MGAT4C: variants seen among roughly 807,000 people sequenced by gnomAD.
MGAT4C encodes the protein alpha-1,3-mannosyl-glycoprotein 4-beta-N-acetylglucosaminyltransferase C.
Under a neutral mutation model 40.1 loss-of-function variants are expected in MGAT4C, and 19 were observed. That is an observed-to-expected ratio of 0.47 (90% CI 0.33 to 0.70). The LOEUF (loss-of-function observed/expected upper bound fraction) is 0.70, where lower values mean the gene tolerates loss of function less well. Ranked by LOEUF, MGAT4C falls within the 30% of genes least tolerant of loss-of-function variation. MGAT4C has a pLI of 0.02. For synonymous variants in MGAT4C, 181 were observed against 187.1 expected, an observed-to-expected ratio of 0.97 and a Z score of 0.27; for missense variants, 491 against 563.2, an observed-to-expected ratio of 0.87 and a Z score of 1.30.
chr12:86,581,116 T>C (rs1295900772), intron 2 of MGAT4C, among the ~76,000 whole-genome samples: 1 of 151,460 alleles, frequency 6.6e-6, no homozygotes, highest in Non-Finnish European at 1.5e-5. Flanking sequence ...TTTTCCAGTG[T>C]AATGCTTAAT....
At chr12:86,561,024 CT>C (rs1434930132) in intron 2 of MGAT4C, among the ~76,000 whole-genome samples, 2 of 151,852 alleles carry the variant, frequency 1.3e-5, no homozygotes, top group Non-Finnish European at 2.9e-5. Context: ...GAAAAAGAAA[CT>C]AAAAAAGCAC....
intron 1 of MGAT4C, among the ~76,000 whole-genome samples, chr12:86,128,070 C>G (rs1168453280): frequency 6.6e-6 from 1 of 152,176 alleles, no homozygotes; most frequent in Admixed American, 6.5e-5. Context: ...TTTCAAATGA[C>G]AGGCAGTGCA....
In MGAT4C at chr12:86,101,102, A is replaced by AT. The variant is rs539009070; in HGVS notation, c.-56-51380dup. Among the ~76,000 whole-genome samples the AT allele has an allele frequency of 5.3e-5, 8 of 151,720 alleles. No individual in the cohort carries two copies. The East Asian group carries it at 7.7e-4, about 15-fold the overall frequency. On this transcript the variant is annotated intron_variant, in intron 1 of 4. Coordinates refer to ENST00000611864, the MANE Select transcript of MGAT4C (RefSeq NM_001351288.2). ...TTTCATTCTTTACTAAGGAGACACT[A>AT]TTTTTTTCAGAGATTCATTGAAAAT... is the stretch of plus-strand genomic sequence containing the variant.
chr12:86,498,592 T>TAATCAAG (rs1251597203), intron 2 of MGAT4C, among the ~76,000 whole-genome samples: 1 of 151,980 alleles, frequency 6.6e-6, no homozygotes, highest in African/African-American at 2.4e-5. Context: ...AAGAGCAATG[T>TAATCAAG]AATCAAGTGT....
intron 1 of MGAT4C, among the ~76,000 whole-genome samples, chr12:86,076,630 C>T (rs948534736): frequency 6.6e-6 from 1 of 152,110 alleles, no homozygotes; most frequent in African/African-American, 2.4e-5. Flanking sequence ...CCACTTCTTA[C>T]AGGGCGGTGG....
chr12:86,704,771 C>A (rs1245488473), intron 2 of MGAT4C, among the ~76,000 whole-genome samples: 1 of 152,112 alleles, frequency 6.6e-6, no homozygotes, highest in Non-Finnish European at 1.5e-5. Context: ...TCCAGCAAGT[C>A]TGTATGAAGG....
chr12:86,191,788 G>GTGT (rs10526767), intron 1 of MGAT4C, among the ~76,000 whole-genome samples: 3 of 132,330 alleles, frequency 2.3e-5, no homozygotes, highest in Non-Finnish European at 5.0e-5. Flanking sequence ...GTGTGTGTGT[G>GTGT]GTGTTTTCAG....
intron 1 of MGAT4C, among the ~76,000 whole-genome samples, chr12:86,142,231 G>A (rs976798599): frequency 3.3e-5 from 5 of 152,164 alleles, no homozygotes; most frequent in Non-Finnish European, 7.4e-5. Context: ...TGGTCATGTG[G>A]ATGTGAAGAG....
At chr12:86,561,275 T>G (rs1419866022) in intron 2 of MGAT4C, among the ~76,000 whole-genome samples, 1 of 152,210 alleles carries the variant, frequency 6.6e-6, no homozygotes, top group Non-Finnish European at 1.5e-5. Context: ...TGATCGTTAA[T>G]ACTGAGTGTC....
chr12:86,443,850 T>C (rs532400569), intron 2 of MGAT4C, among the ~76,000 whole-genome samples: 1 of 152,268 alleles, frequency 6.6e-6, no homozygotes, highest in East Asian at 1.9e-4. Context: ...CGCCTCGGCT[T>C]CCCAAAGTGC....
At chr12:86,540,308 G>A (rs968106369) in intron 2 of MGAT4C, among the ~76,000 whole-genome samples, 5 of 152,178 alleles carry the variant, frequency 3.3e-5, no homozygotes, top group African/African-American at 1.2e-4. Context: ...TTGAGAGACT[G>A]AGGATTCCCA....
intron 1 of MGAT4C, among the ~76,000 whole-genome samples, chr12:86,057,701 C>G (rs528942028): frequency 6.6e-6 from 1 of 152,164 alleles, no homozygotes; most frequent in African/African-American, 2.4e-5. Context: ...CTACCCAACG[C>G]TGTAACCTCA....
intron 1 of MGAT4C, among the ~76,000 whole-genome samples, chr12:86,094,891 C>T (rs761770341): frequency 6.6e-5 from 10 of 152,066 alleles, no homozygotes; most frequent in African/African-American, 2.2e-4. Context: ...GATTACAGAG[C>T]CAATTCTTCC....
intron 2 of MGAT4C, among the ~76,000 whole-genome samples, chr12:86,520,963 A>G (rs560824049): frequency 1.3e-5 from 2 of 152,248 alleles, no homozygotes; most frequent in South Asian, 4.1e-4. Context: ...TAGATGCTGG[A>G]TATTAGACAC....
At chr12:86,705,244 ATCT>A in intron 2 of MGAT4C, among the ~76,000 whole-genome samples, 1 of 151,792 alleles carries the variant, frequency 6.6e-6, no homozygotes, top group Non-Finnish European at 1.5e-5. Context: ...CTATCTATCT[ATCT>A]ATCTATCTAT....
chr12:86,510,643 A>G (rs2136347392), intron 2 of MGAT4C, among the ~76,000 whole-genome samples: 1 of 152,310 alleles, frequency 6.6e-6, no homozygotes, highest in Admixed American at 6.5e-5. Context: ...GGGATGGAGG[A>G]AGATCTACCA....
At chr12:86,172,366 G>A (rs188337548) in intron 1 of MGAT4C, among the ~76,000 whole-genome samples, 141 of 152,118 alleles carry the variant, frequency 9.3e-4, no homozygotes, top group African/African-American at 3.2e-3. Flanking sequence ...GTGTTAACCC[G>A]ATATAATTGT....
Position 85,974,754 on chromosome 12 carries a change from A to G in MGAT4C, c.*4535T>C, listed in dbSNP as rs890522523. 6.6e-6 allele frequency: 1 copy of G among 150,662 alleles called. No homozygotes were observed. The highest frequency in any genetic ancestry group is 1.5e-5 in the Non-Finnish European group (1 of 66,952). The allele number at this position is 150,662 out of a possible 1,614,324, so 9.3% of individuals were successfully genotyped here. On this transcript the variant is annotated 3_prime_UTR_variant, in exon 5 of 5. Coordinates refer to ENST00000611864, the MANE Select transcript of MGAT4C (RefSeq NM_001351288.2). ...TGTTATGGCCTTTTTCTTCCTAAAA[A>G]GAATAACCCCAATCTGAACAAAGAA...
At chr12:86,194,326 GT>G (rs1248715478) in intron 1 of MGAT4C, among the ~76,000 whole-genome samples, 1 of 152,018 alleles carries the variant, frequency 6.6e-6, no homozygotes, top group Non-Finnish European at 1.5e-5. Flanking sequence ...AAATCTGCTA[GT>G]TTTTGAGAAA....
Sources: allele counts gnomAD v4.1 joint callset (sites outside exome capture counted in the v4.1 genomes callset), GRCh38; gene constraint gnomAD v4.1.1; transcripts MANE v1.5; gene names NCBI Gene and HGNC (gene_info 2026-07-23, HGNC 2026-07-21).